The following LDLRAD1 variants were observed in gnomAD, a reference collection of about 807,000 sequenced individuals.
The protein encoded by LDLRAD1 is low density lipoprotein receptor class A domain containing 1, also known as low-density lipoprotein receptor class A domain-containing protein 1.
In LDLRAD1, 17 loss-of-function variants were observed where a neutral mutation model predicts 24.8. The ratio of observed to expected loss-of-function variants is 0.69; its 90% CI spans 0.47 to 1.03. The LOEUF (loss-of-function observed/expected upper bound fraction) is 1.03. Among genes scored for constraint, LDLRAD1 ranks in the 50% least tolerant of loss-of-function variants. The probability of loss-of-function intolerance (pLI) is 0.00; values close to 1 mark genes in which losing one functional copy is unlikely to be tolerated. For missense variants in LDLRAD1, 277 were observed against 271.0 expected, an observed-to-expected ratio of 1.02 and a Z score of -0.16; for synonymous variants, 103 against 108.2, an observed-to-expected ratio of 0.95 and a Z score of 0.30.
At chr1:54,015,187 C>G (rs879735319) in intron 2 of LDLRAD1, among the ~76,000 whole-genome samples, 1 of 152,104 alleles carries the variant, frequency 6.6e-6, no homozygotes, top group Non-Finnish European at 1.5e-5. Context: ...TCACTGCACC[C>G]TATAAGTCCT....
At position 54,018,147 on chromosome 1, in the gene LDLRAD1, T is replaced by A. The variant is rs778595690; in HGVS notation, c.-35A>T. 1.2e-6 allele frequency: 2 copies of A among 1,613,100 alleles called. No homozygotes were observed. The highest frequency in any genetic ancestry group is 2.2e-5 in the South Asian group (2 of 90,848). On this transcript the variant is annotated 5_prime_UTR_variant, in exon 1 of 6. Transcript: ENST00000371360. ...TTCCTGCTGCCCGACTGGGGCTGTGTGCAGAGAGCTCAGCACGGGTTCCCT... is the reference window on the plus strand; with the variant it reads ...TTCCTGCTGCCCGACTGGGGCTGTGAGCAGAGAGCTCAGCACGGGTTCCCT...
chr1:54,010,168 C>T, intron 5 of LDLRAD1, 114 bp downstream of exon 5: 1 of 1,256,244 alleles, frequency 8.0e-7, no homozygotes, highest in Non-Finnish European at 1.1e-6. Flanking sequence ...AAAACTCCTT[C>T]CTAGGATGCA....
chr1:54,012,318 G>C, intron 3 of LDLRAD1, 38 bp from the exon 4 acceptor site: 1 of 1,611,444 alleles, frequency 6.2e-7, no homozygotes, highest in East Asian at 2.2e-5. Context: ...GGTCAAGGGT[G>C]GTGCTCACAA....
At position 54,010,407 on chromosome 1, in the gene LDLRAD1, T is replaced by A. The variant is rs1018777738; in HGVS notation, c.344A>T (p.Asp115Val). 1.9e-6 allele frequency: 3 copies of A among 1,613,626 alleles called. No individual in the cohort carries two copies. Among genetic ancestry groups the A allele is most frequent in the Admixed American group, 3.3e-5 (2 of 59,958 alleles). Residue 115 changes from aspartate to valine, a missense_variant, in exon 5 of 6, where the codon GAT becomes GTT. Asp to Val is a radical substitution (Grantham distance 152). Coordinates refer to ENST00000371360, the MANE Select transcript of LDLRAD1 (RefSeq NM_001010978.4). ...GEDEDESLCR[D>V]VPQSLPHFLV... is the part of the protein sequence containing the mutation. ...GAAGTGGGGGAGGCTCTGGGGCACA[T>A]CTCCTGTAGAGGTACAGAGGAGGCA...
chr1:54,009,695 C>T (rs1190993796), intron 5 of LDLRAD1, among the ~76,000 whole-genome samples: 1 of 152,146 alleles, frequency 6.6e-6, no homozygotes, highest in African/African-American at 2.4e-5. Context: ...TGATGTCCCC[C>T]ACCTGAATCT....
At chr1:54,018,058 T>C (rs1656388136) in intron 1 of LDLRAD1, 34 bp downstream of exon 1, 1 of 1,574,668 alleles carries the variant, frequency 6.4e-7, no homozygotes, top group Non-Finnish European at 8.7e-7. Context: ...CAGCTCTTAC[T>C]TGGAGACAAC....
intron 1 of LDLRAD1, 28 bp from the exon 2 acceptor site, chr1:54,017,455 G>A: frequency 6.3e-7 from 1 of 1,582,918 alleles, no homozygotes; most frequent in South Asian, 1.1e-5. Context: ...GTGAGGGGTG[G>A]GCTTAGGTGA....
At position 54,017,453 on chromosome 1, in the gene LDLRAD1, T is replaced by C. The variant is rs149364552; in HGVS notation, c.22-26A>G. ...CTGCCCAAGAGAACAGAGTGAGGGG[T>C]GGGCTTAGGTGAGGTGAGCTCCAGC... On this transcript the variant is annotated intron_variant, in intron 1 of 5. Coordinates refer to ENST00000371360, the MANE Select transcript of LDLRAD1 (RefSeq NM_001010978.4). The C allele has an allele frequency of 2.3e-4, 362 of 1,582,480 alleles. 2 individuals are homozygous for C. The African/African-American group carries it at 3.9e-3, about 17-fold the overall frequency.
chr1:54,012,713 C>G (rs936425412), intron 3 of LDLRAD1, among the ~76,000 whole-genome samples: 6 of 152,134 alleles, frequency 3.9e-5, no homozygotes, highest in Non-Finnish European at 8.8e-5. Context: ...GTTAGAGTGT[C>G]AGAAGCAATA....
Position 54,014,262 on chromosome 1 carries a change from A to G in LDLRAD1, c.176T>C (p.Ile59Thr). The change falls in exon 3 of 6, where the codon ATT becomes ACT. Residue 59 changes from isoleucine (I) to threonine (T), a missense_variant. Ile to Thr is a moderately conservative substitution (Grantham distance 89). Transcript: ENST00000371360. ...TVAALIALVT[I>T]LGLPSCTPGA... is the part of the protein sequence containing the mutation. Reference sequence around the variant, plus strand: ...TGGGGTGCATGATGGGAGTCCAAGAATGGTGACCAAGGCGATGAGGGCCGC... The same window carrying G: ...TGGGGTGCATGATGGGAGTCCAAGAGTGGTGACCAAGGCGATGAGGGCCGC... 4 of 1,558,476 alleles carry G rather than the reference A, an allele frequency of 2.6e-6. No individual in the cohort carries two copies. The highest frequency in any genetic ancestry group is 3.5e-6 in the Non-Finnish European group (4 of 1,150,880).
At chr1:54,013,319 A>G (rs1170311553) in intron 3 of LDLRAD1, among the ~76,000 whole-genome samples, 1 of 152,054 alleles carries the variant, frequency 6.6e-6, no homozygotes, top group Non-Finnish European at 1.5e-5. Context: ...CATCCACCTC[A>G]GGGTCTGTGT....
chr1:54,007,655 G>A lies in LDLRAD1; in HGVS notation c.*1327C>T, dbSNP rs1655872976. Reference sequence around the variant, plus strand: ...AGACAGGTTCTCCCTATGTTGCCCAGGCTGGTCTCGAACTCCTGGGCTCAA... The same window carrying A: ...AGACAGGTTCTCCCTATGTTGCCCAAGCTGGTCTCGAACTCCTGGGCTCAA... On this transcript the variant is annotated 3_prime_UTR_variant, in exon 6 of 6. Transcript: ENST00000371360. 1 of 152,352 alleles carries A rather than the reference G, an allele frequency of 6.6e-6. No individual in the cohort carries two copies. The highest frequency in any genetic ancestry group is 6.5e-5 in the Admixed American group (1 of 15,286). 9.4% of individuals were successfully genotyped at this position (152,352 alleles called of 1,614,324 possible). A position where few individuals can be genotyped will look rare whatever the true frequency, so the allele number is the denominator to read the frequency against.
At chr1:54,011,615 G>A (rs182129664) in intron 4 of LDLRAD1, among the ~76,000 whole-genome samples, 1 of 152,158 alleles carries the variant, frequency 6.6e-6, no homozygotes, top group East Asian at 1.9e-4. Flanking sequence ...TGTGTCTAAG[G>A]TCTGGGGCCA....
Position 54,009,100 on chromosome 1 carries a change from C to T in LDLRAD1, c.500G>A (p.Trp167Ter), listed in dbSNP as rs1357916279. The change falls in exon 6 of 6, where the codon TGG becomes TAG. Residue 167 changes from tryptophan (W) to a stop codon, truncating the protein, a stop_gained. Transcript: ENST00000371360. LOFTEE classifies it high-confidence loss of function. Reference sequence around the variant, plus strand: ...GAAGAAGGTTGAAGGACAGCGCCACCACCCAGGGCCGCAGGGTGGGCACAC... The same window carrying T: ...GAAGAAGGTTGAAGGACAGCGCCACTACCCAGGGCCGCAGGGTGGGCACAC... ...VTVCPPCGPG[W>*]WRCPSTFFKY... 1 of 1,613,964 alleles carries T rather than the reference C, an allele frequency of 6.2e-7. No individual in the cohort carries two copies.
At position 54,012,285 on chromosome 1, in the gene LDLRAD1, A is replaced by C. The variant is rs1656094269; in HGVS notation, c.203-5T>G. 6.2e-7 allele frequency: 1 copy of C among 1,613,934 alleles called. No individual in the cohort carries two copies. The highest frequency in any genetic ancestry group is 8.5e-7 in the Non-Finnish European group (1 of 1,179,962). On this transcript the variant is annotated splice_polypyrimidine_tract_variant and splice_region_variant and intron_variant, in intron 3 of 5. Transcript: ENST00000371360. ...GTGTTATACAAGCTTGGGCTCCTGA[A>C]TGGGCAGGGAAAGGCCCTGGAGGGT...
chr1:54,016,899 G>A (rs1262372252), intron 2 of LDLRAD1, among the ~76,000 whole-genome samples: 1 of 152,220 alleles, frequency 6.6e-6, no homozygotes, highest in African/African-American at 2.4e-5. Flanking sequence ...GGCCAAGCCA[G>A]GGCATATGCA....
chr1:54,009,404 G>A (rs1014562354), intron 5 of LDLRAD1, among the ~76,000 whole-genome samples: 7 of 152,092 alleles, frequency 4.6e-5, no homozygotes, highest in African/African-American at 1.7e-4. Flanking sequence ...CCAGGCACAC[G>A]GTAAAGACTG....
intron 3 of LDLRAD1, among the ~76,000 whole-genome samples, chr1:54,012,794 A>G (rs1012078158): frequency 1.3e-5 from 2 of 152,066 alleles, no homozygotes; most frequent in African/African-American, 2.4e-5. Context: ...GCACTTTCAT[A>G]TCTTTATTCT....
Position 54,017,356 on chromosome 1 carries a change from C to A in LDLRAD1, c.73+20G>T. On this transcript the variant is annotated intron_variant, in intron 2 of 5. Coordinates refer to ENST00000371360, the MANE Select transcript of LDLRAD1 (RefSeq NM_001010978.4). ...AGGGAGCCCCACAGGGCACTGGCCC[C>A]AGGCCCTCCAGTTCTTTACCTTCCC... The A allele has an allele frequency of 6.3e-7, 1 of 1,587,564 alleles. No homozygotes were observed. The highest frequency in any genetic ancestry group is 8.6e-7 in the Non-Finnish European group (1 of 1,165,392).
Sources: gnomAD v4.1 joint callset for allele counts (sites outside exome capture counted in the v4.1 genomes callset) on GRCh38, gnomAD v4.1.1 for gene constraint, MANE v1.5 for transcripts, NCBI Gene and HGNC (gene_info 2026-07-23, HGNC 2026-07-21) for gene names.